Variants in GRB10 observed in about 807,000 individuals in gnomAD.
The protein encoded by GRB10 is growth factor receptor bound protein 10.
Under a neutral mutation model 80.9 loss-of-function variants are expected in GRB10, and 20 were observed. That is an observed-to-expected ratio of 0.25 (90% CI 0.17 to 0.36). GRB10 has a LOEUF of 0.36. Ranked by LOEUF, GRB10 falls within the 10% of genes least tolerant of loss-of-function variation. The pLI is 1.00. For missense variants in GRB10, 548 were observed against 747.7 expected, an observed-to-expected ratio of 0.73 and a Z score of 3.12; for synonymous variants, 291 against 291.5, an observed-to-expected ratio of 1.00 and a Z score of 0.02.
intron 4 of GRB10, among the ~76,000 whole-genome samples, chr7:50,722,691 G>C (rs1041212345): frequency 6.6e-6 from 1 of 152,106 alleles, no homozygotes; most frequent in African/African-American, 2.4e-5. Context: ...AGGGTGACAA[G>C]GTGACAGAGT....
chr7:50,649,507 C>G (rs925355409), intron 7 of GRB10, among the ~76,000 whole-genome samples: 1 of 152,118 alleles, frequency 6.6e-6, no homozygotes, highest in Non-Finnish European at 1.5e-5. Context: ...ACGACACACA[C>G]GGGGGAGGGA....
At position 50,652,160 on chromosome 7, in the gene GRB10, A is replaced by T. The variant is rs143671282; in HGVS notation, c.504+17562T>A. On this transcript the variant is annotated intron_variant, in intron 7 of 18. Coordinates refer to ENST00000401949, the MANE Select transcript of GRB10 (RefSeq NM_001350814.2). Reference sequence around the variant, plus strand: ...AGGGTTCTGACTGATTCAGTGGCTGAGACAATATAAAACTAAATTAAAACA... The same window carrying T: ...AGGGTTCTGACTGATTCAGTGGCTGTGACAATATAAAACTAAATTAAAACA... Among the ~76,000 whole-genome samples, 354 of 152,362 alleles carry T rather than the reference A, an allele frequency of 2.3e-3. 2 individuals are homozygous for T. Among genetic ancestry groups the T allele is most frequent in the Non-Finnish European group, 3.5e-3 (241 of 68,030 alleles).
At chr7:50,698,655 T>C (rs1266113304) in intron 5 of GRB10, among the ~76,000 whole-genome samples, 1 of 152,254 alleles carries the variant, frequency 6.6e-6, no homozygotes, top group Non-Finnish European at 1.5e-5. Context: ...TTGGTCTATT[T>C]GTCTGGCCTT....
At chr7:50,762,640 C>T (rs2075886496) in intron 2 of GRB10, among the ~76,000 whole-genome samples, 1 of 152,178 alleles carries the variant, frequency 6.6e-6, no homozygotes, top group Non-Finnish European at 1.5e-5. Context: ...ACGGTCATAT[C>T]CTCACCTTCC....
At chr7:50,659,314 G>C (rs2058981383) in intron 7 of GRB10, among the ~76,000 whole-genome samples, 1 of 152,090 alleles carries the variant, frequency 6.6e-6, no homozygotes, top group African/African-American at 2.4e-5. Context: ...GAAAATGAGA[G>C]GTAAAAAACG....
At chr7:50,637,840 TA>T (rs60178424) in intron 7 of GRB10, among the ~76,000 whole-genome samples, 79,938 of 151,430 alleles carry the variant, frequency 0.53, 21,193 homozygotes, top group Admixed American at 0.55. Context: ...ATGGTACTGG[TA>T]AAAAAAACAG....
chr7:50,676,062 G>C (rs1393093341), intron 5 of GRB10, among the ~76,000 whole-genome samples: 1 of 152,074 alleles, frequency 6.6e-6, no homozygotes, highest in Non-Finnish European at 1.5e-5. Context: ...TGACATCATG[G>C]CAAATAATGA....
intron 7 of GRB10, among the ~76,000 whole-genome samples, chr7:50,630,949 A>T (rs1188637987): frequency 6.6e-6 from 1 of 152,000 alleles, no homozygotes; most frequent in African/African-American, 2.4e-5. Flanking sequence ...CAAGAGCTTA[A>T]TTTTTTTTGC....
chr7:50,595,341 A>C (rs2046439202), intron 18 of GRB10, 96 bp downstream of exon 18: 1 of 780,612 alleles, frequency 1.3e-6, no homozygotes, highest in African/African-American at 1.7e-5. Flanking sequence ...ACTGTCTGAT[A>C]CTTACCGGTC....
At chr7:50,619,018 A>C (rs573257715) in intron 9 of GRB10, 152 bp downstream of exon 9, 1 of 668,134 alleles carries the variant, frequency 1.5e-6, no homozygotes, top group African/African-American at 1.8e-5. Context: ...GTTTCAAGCA[A>C]GGACTGCTTC....
intron 5 of GRB10, among the ~76,000 whole-genome samples, chr7:50,678,596 G>A (rs911867485): frequency 5.3e-5 from 8 of 152,294 alleles, no homozygotes; most frequent in African/African-American, 9.6e-5. Flanking sequence ...AACGAAGAGC[G>A]ACAGTTAAAT....
intron 5 of GRB10, among the ~76,000 whole-genome samples, chr7:50,679,818 A>G (rs772277149): frequency 6.6e-6 from 1 of 152,256 alleles, no homozygotes; most frequent in African/African-American, 2.4e-5. Context: ...CTAGAAAAGA[A>G]GTGAAGGTCA....
At position 50,618,057 on chromosome 7, in the gene GRB10, T is replaced by C. The variant is rs555607707; in HGVS notation, c.846+14A>G. 28 of 1,600,444 alleles carry C rather than the reference T, an allele frequency of 1.7e-5. No homozygotes were observed. The highest frequency in any genetic ancestry group is 2.2e-5 in the Non-Finnish European group (26 of 1,167,634). ...GAAAGTCTATTTCAGCAGAGATCTA[T>C]TGTGGCCCAGTACCTGCAAAAGCTG... On this transcript the variant is annotated intron_variant, in intron 10 of 18. Transcript: ENST00000401949.
In GRB10 at chr7:50,734,258, T is replaced by C. The variant is rs576794640; in HGVS notation, c.-46-1890A>G. On this transcript the variant is annotated intron_variant, in intron 3 of 18. Transcript: ENST00000401949. The stretch of plus-strand genomic sequence containing the variant: ...ACCAGCAAACACACTCTTGTGCGAC[T>C]CCTCACTCTCTACCTCACCCCACCA... Among the ~76,000 whole-genome samples, 6 of 152,022 alleles carry C rather than the reference T, an allele frequency of 3.9e-5. No homozygotes were observed. The South Asian group carries it at 1.2e-3, about 32-fold the overall frequency.
chr7:50,724,092 A>G (rs1270644538), intron 4 of GRB10, among the ~76,000 whole-genome samples: 1 of 152,234 alleles, frequency 6.6e-6, no homozygotes, highest in Non-Finnish European at 1.5e-5. Context: ...CGCACGTTCC[A>G]GCAGCGCCTG....
At chr7:50,613,077 T>A (rs1047360274) in intron 12 of GRB10, among the ~76,000 whole-genome samples, 1 of 152,180 alleles carries the variant, frequency 6.6e-6, no homozygotes. Context: ...CTTAGCTGAA[T>A]AATAAGCCAT....
At chr7:50,618,490 A>G (rs2051053451) in intron 9 of GRB10, among the ~76,000 whole-genome samples, 1 of 152,254 alleles carries the variant, frequency 6.6e-6, no homozygotes, top group Non-Finnish European at 1.5e-5. Context: ...AGGTAAGCCC[A>G]GTCACGAGAA....
chr7:50,616,806 CCT>C (rs1367762885), intron 10 of GRB10, among the ~76,000 whole-genome samples: 1 of 152,196 alleles, frequency 6.6e-6, no homozygotes, highest in African/African-American at 2.4e-5. Flanking sequence ...GTGATGTCCC[CCT>C]GTTCCAGCTA....
chr7:50,790,794 A>G (rs374479123), intron 1 of GRB10, among the ~76,000 whole-genome samples: 82 of 152,378 alleles, frequency 5.4e-4, no homozygotes, highest in South Asian at 2.7e-3. Flanking sequence ...AAGAATTTCT[A>G]CAGCTCTAAA....
Sources: allele counts gnomAD v4.1 joint callset (sites outside exome capture counted in the v4.1 genomes callset), GRCh38; gene constraint gnomAD v4.1.1; transcripts MANE v1.5; gene names NCBI Gene and HGNC (gene_info 2026-07-23, HGNC 2026-07-21).